Variants in ALOX5 observed in about 807,000 individuals in gnomAD.
ALOX5 encodes polyunsaturated fatty acid 5-lipoxygenase.
A neutral mutation model predicts 87.9 loss-of-function variants in ALOX5; 64 were observed. The observed-to-expected ratio is 0.73, with a 90% CI of 0.60 to 0.90. The LOEUF is 0.90. Ranked by LOEUF, ALOX5 falls within the 40% of genes least tolerant of loss-of-function variation. The pLI, the probability that ALOX5 is intolerant of heterozygous loss-of-function variation, is 0.00. For missense variants in ALOX5, 822 were observed against 907.5 expected, an observed-to-expected ratio of 0.91 and a Z score of 1.21; for synonymous variants, 388 against 355.1, an observed-to-expected ratio of 1.09 and a Z score of -1.04.
intron 3 of ALOX5, among the ~76,000 whole-genome samples, chr10:45,396,812 C>T (rs35300270): frequency 0.068 from 10,362 of 152,134 alleles, 470 homozygotes; most frequent in East Asian, 0.18. Flanking sequence ...ACATTTTCAA[C>T]GAAATACTAG....
At chr10:45,388,201 A>G (rs1672052551) in intron 2 of ALOX5, among the ~76,000 whole-genome samples, 1 of 152,252 alleles carries the variant, frequency 6.6e-6, no homozygotes, top group South Asian at 2.1e-4. Context: ...GCAAGCTCGA[A>G]CTGGGTGGAG....
Position 45,424,264 on chromosome 10 carries a change from G to A in ALOX5, c.661+117G>A, listed in dbSNP as rs1589032281. On this transcript the variant is annotated intron_variant, in intron 5 of 13. Coordinates refer to ENST00000374391, the MANE Select transcript of ALOX5 (RefSeq NM_000698.5). The stretch of plus-strand genomic sequence containing the variant: ...CTGCCTGCTGCAGCATGGGGGCCTC[G>A]CTGCCACCATGCCACCCTGGACAGC... 16 of 851,508 alleles carry A rather than the reference G, an allele frequency of 1.9e-5. No homozygotes were observed. The East Asian group carries it at 1.9e-4, about 10-fold the overall frequency. 52.7% of individuals were successfully genotyped at this position (851,508 alleles called of 1,614,324 possible).
At chr10:45,423,711 G>A (rs73283196) in intron 4 of ALOX5, among the ~76,000 whole-genome samples, 7 of 152,182 alleles carry the variant, frequency 4.6e-5, no homozygotes, top group Admixed American at 3.9e-4. Flanking sequence ...ATCTCTGTTC[G>A]TAGAAGCTTT....
intron 2 of ALOX5, among the ~76,000 whole-genome samples, chr10:45,390,691 A>T (rs548644825): frequency 6.6e-6 from 1 of 152,378 alleles, no homozygotes; most frequent in Non-Finnish European, 1.5e-5. Flanking sequence ...CATTTAAAGC[A>T]GTGTGTAGAG....
At chr10:45,380,718 G>T (rs1839795634) in intron 1 of ALOX5, among the ~76,000 whole-genome samples, 1 of 152,216 alleles carries the variant, frequency 6.6e-6, no homozygotes, top group South Asian at 2.1e-4. Flanking sequence ...GAGGCAGGTG[G>T]ATCACTTGAG....
At chr10:45,433,753 T>A (rs1349619807) in intron 7 of ALOX5, among the ~76,000 whole-genome samples, 3 of 152,166 alleles carry the variant, frequency 2.0e-5, no homozygotes, top group African/African-American at 7.2e-5. Flanking sequence ...CATTTAAAAA[T>A]TTGGGTTACC....
chr10:45,412,213 T>C lies in ALOX5; in HGVS notation c.454T>C (p.Phe152Leu), dbSNP rs1175744869. ...CAGATGGATGGAGTGGAACCCTGGCTTCCCCTTGAGCATCGATGCCAAATG... is the reference window on the plus strand; with the variant it reads ...CAGATGGATGGAGTGGAACCCTGGCCTCCCCTTGAGCATCGATGCCAAATG... Reference protein sequence around the residue: ...QYRWMEWNPGFPLSIDAKCHK... With the variant: ...QYRWMEWNPGLPLSIDAKCHK... Residue 152 changes from phenylalanine to leucine, a missense_variant, in exon 4 of 14, where the codon TTC becomes CTC. By Grantham distance (22) the Phe-to-Leu change is conservative. Transcript: ENST00000374391. 6.2e-7 allele frequency: 1 copy of C among 1,614,168 alleles called. No individual in the cohort carries two copies. Among genetic ancestry groups the C allele is most frequent in the Non-Finnish European group, 8.5e-7 (1 of 1,180,010 alleles).
chr10:45,398,940 G>A (rs2132725168), intron 3 of ALOX5, among the ~76,000 whole-genome samples: 1 of 152,294 alleles, frequency 6.6e-6, no homozygotes, highest in East Asian at 1.9e-4. Context: ...CAATATGACA[G>A]CATTTCCACT....
At chr10:45,400,038 C>T (rs765306222) in intron 3 of ALOX5, among the ~76,000 whole-genome samples, 8 of 152,106 alleles carry the variant, frequency 5.3e-5, no homozygotes, top group African/African-American at 1.7e-4. Context: ...ATGCTGCTAC[C>T]GGAATGTAAG....
chr10:45,428,709 C>T lies in ALOX5; in HGVS notation c.926C>T (p.Pro309Leu). 1 of 1,614,084 alleles carries T rather than the reference C, an allele frequency of 6.2e-7. No individual in the cohort carries two copies. The highest frequency in any genetic ancestry group is 8.5e-7 in the Non-Finnish European group (1 of 1,180,040). The change falls in exon 7 of 14, where the codon CCC becomes CTC. Residue 309 changes from proline to leucine, a missense_variant. Coordinates refer to ENST00000374391, the MANE Select transcript of ALOX5 (RefSeq NM_000698.5). The part of the protein sequence containing the change: ...DPCTLQFLAA[P>L]ICLLYKNLAN... ...TGCACACTCCAGTTCCTGGCCGCTC[C>T]CATCTGCTTGCTGTATAAGAACCTG...
chr10:45,444,486 C>A, intron 13 of ALOX5, 200 bp downstream of exon 13: 1 of 665,482 alleles, frequency 1.5e-6, no homozygotes, highest in Non-Finnish European at 2.4e-6. Flanking sequence ...GTGTGCAGGG[C>A]AGGAGAGCAC....
At chr10:45,431,805 C>T (rs1841910904) in intron 7 of ALOX5, among the ~76,000 whole-genome samples, 1 of 152,068 alleles carries the variant, frequency 6.6e-6, no homozygotes, top group African/African-American at 2.4e-5. Context: ...AACTCCTGAC[C>T]TTGTGATTTG....
At chr10:45,380,164 A>G (rs1451706346) in intron 1 of ALOX5, among the ~76,000 whole-genome samples, 1 of 152,194 alleles carries the variant, frequency 6.6e-6, no homozygotes, top group Admixed American at 6.5e-5. Context: ...TCCTGAGGAC[A>G]AGCTGTGGCA....
At chr10:45,420,495 T>A (rs1368707986) in intron 4 of ALOX5, among the ~76,000 whole-genome samples, 1 of 152,248 alleles carries the variant, frequency 6.6e-6, no homozygotes. Flanking sequence ...ATAGCTTGCG[T>A]CAGAATCCCC....
intron 5 of ALOX5, 111 bp from the exon 6 acceptor site, chr10:45,424,849 T>G (rs1371940425): frequency 4.4e-6 from 6 of 1,354,266 alleles, no homozygotes; most frequent in Non-Finnish European, 6.1e-6. Flanking sequence ...CAGGGAGCAC[T>G]CGGGAGAGGA....
Position 45,445,936 on chromosome 10 carries a change from C to A in ALOX5, c.*249C>A, listed in dbSNP as rs534565446. On this transcript the variant is annotated 3_prime_UTR_variant, in exon 14 of 14. Coordinates refer to ENST00000374391, the MANE Select transcript of ALOX5 (RefSeq NM_000698.5). The stretch of plus-strand genomic sequence containing the variant: ...CCACACCCAGCTCAGCATTTCCACA[C>A]CAAGCAGCAACAGCAAATCACGACC... 7 of 432,964 alleles carry A rather than the reference C, an allele frequency of 1.6e-5. No individual in the cohort carries two copies. The Admixed American group carries it at 2.0e-4, about 12-fold the overall frequency. The allele number at this position is 432,964 out of a possible 1,614,324, so 26.8% of individuals were successfully genotyped here.
At chr10:45,411,557 A>C (rs1297812479) in intron 3 of ALOX5, among the ~76,000 whole-genome samples, 1 of 152,242 alleles carries the variant, frequency 6.6e-6, no homozygotes, top group Non-Finnish European at 1.5e-5. Context: ...TACTGGATGC[A>C]GTCCGTGGCT....
chr10:45,406,095 G>C (rs1285625126), intron 3 of ALOX5, among the ~76,000 whole-genome samples: 1 of 152,050 alleles, frequency 6.6e-6, no homozygotes, highest in Non-Finnish European at 1.5e-5. Context: ...ACACTTACTG[G>C]CACTTTCTCC....
rs1387491740 is a variant in ALOX5 at position 45,445,497 on chromosome 10, T to C, written c.1846-11T>C. On this transcript the variant is annotated splice_polypyrimidine_tract_variant and intron_variant, in intron 13 of 13. Coordinates refer to ENST00000374391, the MANE Select transcript of ALOX5 (RefSeq NM_000698.5). Reference sequence around the variant, plus strand: ...ATTGACCTATGTGTGTGTCCATGTCTGGGCCCTCAGCTGTTCCTGGGCATG... The same window carrying C: ...ATTGACCTATGTGTGTGTCCATGTCCGGGCCCTCAGCTGTTCCTGGGCATG... 1.2e-6 allele frequency: 2 copies of C among 1,610,970 alleles called. No individual in the cohort carries two copies. The highest frequency in any genetic ancestry group is 1.3e-5 in the African/African-American group (1 of 74,858).
Sources: gnomAD v4.1 joint callset for allele counts (sites outside exome capture counted in the v4.1 genomes callset) on GRCh38, gnomAD v4.1.1 for gene constraint, MANE v1.5 for transcripts, NCBI Gene and HGNC (gene_info 2026-07-23, HGNC 2026-07-21) for gene names.